TMTC2: variants seen among roughly 807,000 people sequenced by gnomAD.
The protein encoded by TMTC2 is protein O-mannosyl-transferase TMTC2.
A neutral mutation model predicts 82.4 loss-of-function variants in TMTC2; 43 were observed. That is an observed-to-expected ratio of 0.52 (90% confidence interval 0.41 to 0.67). The LOEUF (loss-of-function observed/expected upper bound fraction) is 0.67. Among genes scored for constraint, TMTC2 ranks in the 30% least tolerant of loss-of-function variants. The pLI, the probability that TMTC2 is intolerant of heterozygous loss-of-function variation, is 0.00. For missense variants in TMTC2, 919 were observed against 1,012.4 expected, an observed-to-expected ratio of 0.91 and a Z score of 1.25; for synonymous variants, 408 against 381.9, an observed-to-expected ratio of 1.07 and a Z score of -0.80.
chr12:82,932,655 A>T (rs1211925977), intron 4 of TMTC2, among the ~76,000 whole-genome samples: 1 of 152,104 alleles, frequency 6.6e-6, no homozygotes, highest in Non-Finnish European at 1.5e-5. Flanking sequence ...TTTGCATCTG[A>T]AAGTGATGTC....
At chr12:82,839,529 A>G (rs1286809815) in intron 1 of TMTC2, among the ~76,000 whole-genome samples, 1 of 152,150 alleles carries the variant, frequency 6.6e-6, no homozygotes, top group Non-Finnish European at 1.5e-5. Flanking sequence ...CTTTATTTTT[A>G]TTAACAAAGA....
chr12:82,730,987 A>G (rs1874774589), intron 1 of TMTC2, among the ~76,000 whole-genome samples: 1 of 152,262 alleles, frequency 6.6e-6, no homozygotes, highest in African/African-American at 2.4e-5. Context: ...TAGCTTGTGG[A>G]AAAGCAGACA....
chr12:83,028,715 T>C (rs1881286065), intron 8 of TMTC2, among the ~76,000 whole-genome samples: 1 of 152,214 alleles, frequency 6.6e-6, no homozygotes, highest in Non-Finnish European at 1.5e-5. Context: ...GCTGTTCTGC[T>C]TCCCTAGAAT....
intron 11 of TMTC2, among the ~76,000 whole-genome samples, chr12:83,066,304 G>A (rs529765410): frequency 6.6e-6 from 1 of 151,994 alleles, no homozygotes; most frequent in South Asian, 2.1e-4. Flanking sequence ...GAAATGATAG[G>A]ATGCTTATAA....
chr12:82,744,202 G>A (rs1057427503), intron 1 of TMTC2, among the ~76,000 whole-genome samples: 3 of 152,250 alleles, frequency 2.0e-5, no homozygotes, highest in East Asian at 1.9e-4. Context: ...CGGGCGGATT[G>A]TGAGGTGAAG....
chr12:82,841,253 C>T (rs12305413), intron 1 of TMTC2, among the ~76,000 whole-genome samples: 5,130 of 152,152 alleles, frequency 0.034, 294 homozygotes, highest in African/African-American at 0.12. Context: ...TTAGAGCTCC[C>T]TGAAATCTAA....
intron 1 of TMTC2, among the ~76,000 whole-genome samples, chr12:82,718,716 A>G (rs1387412805): frequency 6.6e-6 from 1 of 152,174 alleles, no homozygotes; most frequent in Non-Finnish European, 1.5e-5. Flanking sequence ...TACTTCTAAA[A>G]CATACCCATG....
chr12:82,719,095 T>A (rs1173082924), intron 1 of TMTC2, among the ~76,000 whole-genome samples: 20 of 117,188 alleles, frequency 1.7e-4, no homozygotes, highest in African/African-American at 5.5e-4. Context: ...ATTTTTTTTT[T>A]TTTTTTTTTT....
At chr12:82,694,526 T>A (rs1247984471) in intron 1 of TMTC2, among the ~76,000 whole-genome samples, 3 of 152,224 alleles carry the variant, frequency 2.0e-5, no homozygotes, top group African/African-American at 7.2e-5. Context: ...TTTTGTTTCT[T>A]AATTTCTTTG....
rs547407355 is a variant in TMTC2, at chr12:82,781,271, T to C, written c.84-75739T>C. Among the ~76,000 whole-genome samples the C allele has an allele frequency of 2.0e-5, 3 of 152,196 alleles. No homozygotes were observed. The East Asian group carries it at 5.8e-4, about 29-fold the overall frequency. On this transcript the variant is annotated intron_variant, in intron 1 of 11. Coordinates refer to ENST00000321196, the MANE Select transcript of TMTC2 (RefSeq NM_152588.3). ...TTTCAAAATCAAATTTCTGCAATTA[T>C]CTTGCAGTAATTTGAAGAAGAAAGA...
chr12:83,023,831 A>G (rs549315400), intron 8 of TMTC2, among the ~76,000 whole-genome samples: 14 of 152,324 alleles, frequency 9.2e-5, no homozygotes, highest in South Asian at 2.1e-4. Flanking sequence ...CTATGACACT[A>G]TAAGTATATT....
Position 83,027,032 on chromosome 12 carries a change from GT to G in TMTC2, c.2071-3757del, listed in dbSNP as rs1008083882. 7.6e-4 allele frequency among the ~76,000 whole-genome samples: 115 copies of G among 151,250 alleles called. 1 individual carries two copies. Among genetic ancestry groups the G allele is most frequent in the African/African-American group, 2.5e-3 (105 of 41,240 alleles). Reference sequence around the variant, plus strand: ...AGGCACTCTCCTAATTGGGATGGTGGTTTTTTTTTGTTCATGAGTTTAATAA... The same window carrying G: ...AGGCACTCTCCTAATTGGGATGGTGGTTTTTTTTGTTCATGAGTTTAATAA... On this transcript the variant is annotated intron_variant, in intron 8 of 11. Coordinates refer to ENST00000321196, the MANE Select transcript of TMTC2 (RefSeq NM_152588.3).
chr12:82,769,819 C>T (rs1877187542), intron 1 of TMTC2, among the ~76,000 whole-genome samples: 1 of 152,060 alleles, frequency 6.6e-6, no homozygotes, highest in Non-Finnish European at 1.5e-5. Context: ...CCATGTTTGC[C>T]AGGCTGGTCT....
chr12:82,935,066 G>A lies in TMTC2; in HGVS notation c.1598+4521G>A, dbSNP rs543533959. The stretch of plus-strand genomic sequence containing the variant: ...AATATTTAGAATTAAATCTATTAGA[G>A]AATATAAGGTTTTAGTAACTGTTAG... On this transcript the variant is annotated intron_variant, in intron 4 of 11. Coordinates refer to ENST00000321196, the MANE Select transcript of TMTC2 (RefSeq NM_152588.3). 3.3e-5 allele frequency among the ~76,000 whole-genome samples: 5 copies of A among 152,160 alleles called. No individual in the cohort carries two copies. In the South Asian group the frequency reaches 8.3e-4, roughly 25 times the overall value.
chr12:82,818,338 A>G (rs1868874566), intron 1 of TMTC2, among the ~76,000 whole-genome samples: 1 of 152,084 alleles, frequency 6.6e-6, no homozygotes, highest in South Asian at 2.1e-4. Context: ...TTTCCATGGT[A>G]AGTCTTTGCA....
chr12:82,810,506 A>G (rs1327289239), intron 1 of TMTC2, among the ~76,000 whole-genome samples: 1 of 152,000 alleles, frequency 6.6e-6, no homozygotes, highest in African/African-American at 2.4e-5. Context: ...CTTACAAAAC[A>G]TTGACCCCAA....
intron 1 of TMTC2, among the ~76,000 whole-genome samples, chr12:82,812,823 A>G (rs1253366771): frequency 1.3e-5 from 2 of 152,100 alleles, no homozygotes; most frequent in African/African-American, 4.8e-5. Flanking sequence ...AAGAAATATT[A>G]CTGATCTTAA....
At chr12:82,690,597 T>C (rs1238455709) in intron 1 of TMTC2, among the ~76,000 whole-genome samples, 2 of 152,226 alleles carry the variant, frequency 1.3e-5, no homozygotes, top group African/African-American at 2.4e-5. Context: ...TACAAGTGTT[T>C]CTGTGCTAAA....
At chr12:82,757,437 G>A in intron 1 of TMTC2, among the ~76,000 whole-genome samples, 1 of 151,986 alleles carries the variant, frequency 6.6e-6, no homozygotes, top group East Asian at 1.9e-4. Flanking sequence ...TATCTTTATA[G>A]CAACATTAAG....
Sources: gnomAD v4.1 joint callset for allele counts (sites outside exome capture counted in the v4.1 genomes callset) on GRCh38, gnomAD v4.1.1 for gene constraint, MANE v1.5 for transcripts, NCBI Gene and HGNC (gene_info 2026-07-23, HGNC 2026-07-21) for gene names.